The following LHFPL3 variants were observed in gnomAD, a reference collection of about 807,000 sequenced individuals.
The protein encoded by LHFPL3 is LHFPL tetraspan subfamily member 3.
Under a neutral mutation model 19.3 loss-of-function variants are expected in LHFPL3, and 5 were observed. That is an observed-to-expected ratio of 0.26 (90% CI 0.14 to 0.54). The LOEUF (loss-of-function observed/expected upper bound fraction) is 0.54. Ranked by LOEUF, LHFPL3 falls within the 20% of genes least tolerant of loss-of-function variation. The pLI, the probability that LHFPL3 is intolerant of heterozygous loss-of-function variation, is 0.94. For synonymous variants in LHFPL3, 133 were observed against 126.2 expected (o/e 1.05, Z -0.36); for missense variants, 249 against 307.4 (o/e 0.81, Z 1.42).
intron 1 of LHFPL3, among the ~76,000 whole-genome samples, chr7:104,721,148 T>A (rs1392958704): frequency 6.6e-6 from 1 of 152,130 alleles, no homozygotes; most frequent in African/African-American, 2.4e-5. Context: ...CAAATGTCCA[T>A]CAGTGATAGA....
intron 1 of LHFPL3, among the ~76,000 whole-genome samples, chr7:104,604,873 G>A (rs1377127621): frequency 1.3e-5 from 2 of 152,148 alleles, no homozygotes; most frequent in Non-Finnish European, 2.9e-5. Flanking sequence ...CTGCTCTACT[G>A]CCAGATGAAG....
intron 1 of LHFPL3, among the ~76,000 whole-genome samples, chr7:104,516,243 C>G (rs201120513): frequency 6.6e-6 from 1 of 151,950 alleles, no homozygotes; most frequent in East Asian, 1.9e-4. Flanking sequence ...CTAGCAAAAC[C>G]ATCAGATTTT....
At chr7:104,872,062 G>C (rs1791846967) in intron 2 of LHFPL3, among the ~76,000 whole-genome samples, 1 of 151,710 alleles carries the variant, frequency 6.6e-6, no homozygotes, top group Admixed American at 6.6e-5. Flanking sequence ...ACACTGTCTG[G>C]GCACAGTGGC....
In LHFPL3 at chr7:104,837,435, C is replaced by T. The variant is rs1355571573; in HGVS notation, c.683-68752C>T. 2.0e-5 allele frequency among the ~76,000 whole-genome samples: 3 copies of T among 152,252 alleles called. No individual in the cohort carries two copies. In the East Asian group the frequency reaches 5.8e-4, roughly 29 times the overall value. The stretch of plus-strand genomic sequence containing the variant: ...TTTATCTTCCGCACTAAACTATATA[C>T]CCTTTAATGCTATAGTCACGAAATT... On this transcript the variant is annotated intron_variant, in intron 2 of 2. Transcript: ENST00000424859.
intron 1 of LHFPL3, among the ~76,000 whole-genome samples, chr7:104,578,734 C>G (rs559701929): frequency 6.6e-6 from 1 of 152,158 alleles, no homozygotes; most frequent in South Asian, 2.1e-4. Flanking sequence ...GACCACTATA[C>G]CCCTTAATCT....
chr7:104,400,196 T>G (rs574725733), intron 1 of LHFPL3, among the ~76,000 whole-genome samples: 1 of 149,698 alleles, frequency 6.7e-6, no homozygotes, highest in Admixed American at 6.6e-5. Context: ...TTTACAGGTT[T>G]ATATCTTTGA....
At chr7:104,834,311 G>A (rs1171201883) in intron 2 of LHFPL3, among the ~76,000 whole-genome samples, 16 of 151,054 alleles carry the variant, frequency 1.1e-4, no homozygotes, top group Non-Finnish European at 1.9e-4. Context: ...CTGCACTCCA[G>A]ACTCCATCTC....
intron 1 of LHFPL3, among the ~76,000 whole-genome samples, chr7:104,703,672 A>T (rs1793140508): frequency 6.6e-6 from 1 of 152,238 alleles, no homozygotes; most frequent in Admixed American, 6.5e-5. Flanking sequence ...CTAACTGAAT[A>T]TGACAATGTA....
intron 1 of LHFPL3, among the ~76,000 whole-genome samples, chr7:104,458,877 C>A (rs1342350964): frequency 1.3e-5 from 2 of 152,164 alleles, no homozygotes; most frequent in African/African-American, 4.8e-5. Flanking sequence ...GACATTGTTC[C>A]ATTGTTGGAG....
rs553599200 is a variant in LHFPL3, at chr7:104,603,924, C to T, written c.446-132751C>T. Among the ~76,000 whole-genome samples the T allele has an allele frequency of 5.3e-4, 80 of 152,350 alleles. No homozygotes were observed. In the South Asian group the frequency reaches 0.015, roughly 29 times the overall value. ...TTGCTGAGTTTACTCTACCCAGTAG[C>T]TCTCATAGGTTGGAGTTTCATGCCT... On this transcript the variant is annotated intron_variant, in intron 1 of 2. Transcript: ENST00000424859.
chr7:104,762,360 T>C (rs1208009242), intron 2 of LHFPL3, among the ~76,000 whole-genome samples: 1 of 151,982 alleles, frequency 6.6e-6, no homozygotes, highest in Non-Finnish European at 1.5e-5. Context: ...TCATGACCAA[T>C]GAAAGGGTGG....
intron 1 of LHFPL3, among the ~76,000 whole-genome samples, chr7:104,708,324 C>G (rs1284417653): frequency 6.6e-6 from 1 of 152,146 alleles, no homozygotes; most frequent in African/African-American, 2.4e-5. Context: ...TTCACTCTGA[C>G]TAGAAATATC....
intron 1 of LHFPL3, among the ~76,000 whole-genome samples, chr7:104,702,479 T>C (rs1793122467): frequency 6.6e-6 from 1 of 152,198 alleles, no homozygotes; most frequent in Non-Finnish European, 1.5e-5. Context: ...ACCCTGCATA[T>C]GTGAATAGGG....
chr7:104,746,378 A>G (rs889688574), intron 2 of LHFPL3, among the ~76,000 whole-genome samples: 1 of 152,126 alleles, frequency 6.6e-6, no homozygotes, highest in Non-Finnish European at 1.5e-5. Flanking sequence ...TATGAAGTAG[A>G]TCTAGGAATG....
intron 1 of LHFPL3, among the ~76,000 whole-genome samples, chr7:104,706,987 C>T (rs4559180): frequency 0.31 from 47,685 of 151,934 alleles, 8,263 homozygotes; most frequent in East Asian, 0.65. Flanking sequence ...TATCCTGGTC[C>T]CTCAGTGTAT....
chr7:104,762,696 C>G (rs143072220), intron 2 of LHFPL3, among the ~76,000 whole-genome samples: 6 of 152,094 alleles, frequency 3.9e-5, no homozygotes, highest in African/African-American at 7.2e-5. Context: ...GTTACAAAGG[C>G]CTTTGTAGTC....
intron 1 of LHFPL3, among the ~76,000 whole-genome samples, chr7:104,374,831 T>G (rs1790680012): frequency 6.6e-6 from 1 of 152,178 alleles, no homozygotes; most frequent in South Asian, 2.1e-4. Context: ...TGTTTTTGTG[T>G]CCTTAGGTCC....
At chr7:104,847,820 T>A (rs113892786) in intron 2 of LHFPL3, among the ~76,000 whole-genome samples, 4,766 of 152,344 alleles carry the variant, frequency 0.031, 253 homozygotes, top group African/African-American at 0.11. Context: ...CTATGATGAA[T>A]CTTTTTTAGA....
chr7:104,752,209 A>G (rs947502378), intron 2 of LHFPL3, among the ~76,000 whole-genome samples: 5 of 152,090 alleles, frequency 3.3e-5, no homozygotes, highest in Non-Finnish European at 7.4e-5. Flanking sequence ...ACGTTTCAGG[A>G]TATATCACCT....
Sources: gnomAD v4.1 joint callset for allele counts (sites outside exome capture counted in the v4.1 genomes callset) on GRCh38, gnomAD v4.1.1 for gene constraint, MANE v1.5 for transcripts, NCBI Gene and HGNC (gene_info 2026-07-23, HGNC 2026-07-21) for gene names.